The following CARS2 variants were observed in gnomAD, a reference collection of about 807,000 sequenced individuals.
CARS2 encodes cysteinyl-tRNA synthetase 2, mitochondrial.
CARS2 carries 52 observed loss-of-function variants against 68.8 expected under a neutral mutation model. The ratio of observed to expected loss-of-function variants is 0.76; its 90% CI spans 0.61 to 0.95. The LOEUF (loss-of-function observed/expected upper bound fraction) is 0.95. Ranked by LOEUF, CARS2 falls within the 40% of genes least tolerant of loss-of-function variation. The pLI, the probability that CARS2 is intolerant of heterozygous loss-of-function variation, is 0.00. For synonymous variants in CARS2, 314 were observed against 303.6 expected (o/e 1.03, Z -0.36); for missense variants, 780 against 754.2 (o/e 1.03, Z -0.40).
At chr13:110,709,174 C>T (rs918143331), upstream of CARS2, among the ~76,000 whole-genome samples, 44 of 151,340 alleles carry the variant, frequency 2.9e-4, no homozygotes, top group African/African-American at 1.0e-3. Flanking sequence ...TCTCCTGCCT[C>T]TTTCTCACGT....
intron 3 of CARS2, among the ~76,000 whole-genome samples, chr13:110,692,770 T>A (rs2063508387): frequency 6.6e-6 from 1 of 151,540 alleles, no homozygotes; most frequent in African/African-American, 2.4e-5. Context: ...TCCAAGACTG[T>A]GCCACCACAC....
At chr13:110,687,005 C>G (rs531879321) in intron 5 of CARS2, among the ~76,000 whole-genome samples, 10 of 152,224 alleles carry the variant, frequency 6.6e-5, no homozygotes, top group Non-Finnish European at 1.2e-4. Flanking sequence ...AAACGATAGC[C>G]AAACAGACGG....
Position 110,665,661 on chromosome 13 carries a change from C to T in CARS2, c.919+1679G>A. 1.0e-6 allele frequency: 1 copy of T among 985,398 alleles called. No homozygotes were observed. 61.0% of individuals were successfully genotyped at this position (985,398 alleles called of 1,614,324 possible). A position where few individuals can be genotyped will look rare whatever the true frequency, so the allele number is the denominator to read the frequency against. On this transcript the variant is annotated intron_variant, in intron 8 of 14. Coordinates refer to ENST00000257347, the MANE Select transcript of CARS2 (RefSeq NM_024537.4). This position sits in a 1 kb window ranked among gnomAD's most constrained non-coding sequence, Gnocchi z 4.3. Reference sequence around the variant, plus strand: ...CTACTGAACAGGATAAACCTGCAGACAGAAACGTGCCTGCGGAGGGAGCAA... The same window carrying T: ...CTACTGAACAGGATAAACCTGCAGATAGAAACGTGCCTGCGGAGGGAGCAA...
At chr13:110,694,860 A>G (rs1419583171) in intron 3 of CARS2, among the ~76,000 whole-genome samples, 1 of 152,206 alleles carries the variant, frequency 6.6e-6, no homozygotes, top group Non-Finnish European at 1.5e-5. Flanking sequence ...TTATCATTTT[A>G]AAAGCTTGCA....
chr13:110,667,280 C>A, intron 8 of CARS2, 60 bp downstream of exon 8: 1 of 1,480,302 alleles, frequency 6.8e-7, no homozygotes, highest in Non-Finnish European at 9.2e-7. Context: ...GCTGTTCCGC[C>A]GACAAAGACA....
intron 13 of CARS2, chr13:110,643,645 G>T (rs577838117): frequency 6.4e-5 from 10 of 155,378 alleles, no homozygotes; most frequent in African/African-American, 2.2e-4. Context: ...CTTGTGCTGA[G>T]AATTCTACAA....
chr13:110,684,095 CTG>C (rs1195966485), intron 5 of CARS2, among the ~76,000 whole-genome samples: 1 of 152,290 alleles, frequency 6.6e-6, no homozygotes, highest in East Asian at 1.9e-4. Flanking sequence ...GCTGCAGCCG[CTG>C]TGTGTTCCAG....
chr13:110,700,679 G>A (rs2063758647), intron 3 of CARS2, among the ~76,000 whole-genome samples: 2 of 152,240 alleles, frequency 1.3e-5, no homozygotes, highest in African/African-American at 4.8e-5. Context: ...GTTGTTCTGA[G>A]ACTGAAATAC....
At chr13:110,641,724 G>A in intron 14 of CARS2, 116 bp from the exon 15 acceptor site, 2 of 833,480 alleles carry the variant, frequency 2.4e-6, no homozygotes, top group South Asian at 2.8e-5. Context: ...GTCCTAAAAA[G>A]CTTGCCAGGC....
chr13:110,688,319 C>T (rs1240147627), intron 3 of CARS2, among the ~76,000 whole-genome samples: 1 of 152,242 alleles, frequency 6.6e-6, no homozygotes, highest in Non-Finnish European at 1.5e-5. Context: ...TGCAGCGGCT[C>T]ACGCCTGTAA....
rs1297824050 is a variant in CARS2 at position 110,699,898 on chromosome 13, C to G, written c.393+1540G>C. On this transcript the variant is annotated intron_variant, in intron 3 of 14. Coordinates refer to ENST00000257347, the MANE Select transcript of CARS2 (RefSeq NM_024537.4). ...CCACCTGCCTGTACAACCTCATCCA[C>G]TGTGTCTTCCCAAAGCTTGCCAGGC... Among the ~76,000 whole-genome samples, 4 of 152,252 alleles carry G rather than the reference C, an allele frequency of 2.6e-5. No individual in the cohort carries two copies. In the East Asian group the frequency reaches 5.8e-4, roughly 22 times the overall value.
rs766266851 is a variant in CARS2, at chr13:110,642,490, A to C, written c.1448T>G (p.Leu483Trp). 414 of 1,609,778 alleles carry C rather than the reference A, an allele frequency of 2.6e-4. 2 individuals carry two copies. The Middle Eastern group carries it at 5.0e-3, about 19-fold the overall frequency. The change falls in exon 14 of 15, where the codon TTG (leucine) becomes TGG (tryptophan). Residue 483 changes from leucine to tryptophan, a missense_variant. Leu to Trp is a moderately conservative substitution (Grantham distance 61, BLOSUM62 -2). Transcript: ENST00000257347. ...YVSGDGSEAT[L>W]HGVVDELVRF... ...CACCAGCTCGTCCACCACACCATGC[A>C]AGGTAGCCTCGCTGCCGTCTCCTGA... is the stretch of plus-strand genomic sequence containing the variant.
chr13:110,684,349 T>C (rs2063237138), intron 5 of CARS2, among the ~76,000 whole-genome samples: 2 of 151,972 alleles, frequency 1.3e-5, no homozygotes, highest in Non-Finnish European at 2.9e-5. Context: ...ACACTGGTGT[T>C]GGTAAGATCA....
rs1420461272 is a variant in CARS2 at position 110,647,196 on chromosome 13, C to T, written c.1098G>A (p.Leu366=). The T allele has an allele frequency of 6.2e-7, 1 of 1,613,340 alleles. No homozygotes were observed. Among genetic ancestry groups the T allele is most frequent in the Non-Finnish European group, 8.5e-7 (1 of 1,179,906 alleles). ...CCAGGAAAGAGCCCAGCCCCAGGAG[C>T]AGCTGCTGAGCTTGGAGCATGGCGC... The part of the protein sequence containing the change: ...SDSAMLQAQQ[L]LLGLGSFLED... The change falls in exon 11 of 15, where the codon CTG becomes CTA. Residue 366 remains leucine (L), a synonymous_variant. Coordinates refer to ENST00000257347, the MANE Select transcript of CARS2 (RefSeq NM_024537.4).
intron 1 of CARS2, chr13:110,712,634 G>A (rs1451424443): frequency 3.6e-6 from 2 of 556,242 alleles, no homozygotes; most frequent in South Asian, 1.7e-5. Flanking sequence ...AGGGTAGAGG[G>A]GCGACGCGGG....
At chr13:110,710,890 A>G (rs1477019472), upstream of CARS2, among the ~76,000 whole-genome samples, 1 of 152,112 alleles carries the variant, frequency 6.6e-6, no homozygotes, top group African/African-American at 2.4e-5. Flanking sequence ...AAGAGAGTAC[A>G]TAACTAGAGG....
At position 110,668,260 on chromosome 13, in the gene CARS2, T is replaced by C. The variant is rs995045330; in HGVS notation, c.786-787A>G. Among the ~76,000 whole-genome samples the C allele has an allele frequency of 7.9e-5, 12 of 152,178 alleles. No homozygotes were observed. The highest frequency in any genetic ancestry group is 2.9e-4 in the African/African-American group (12 of 41,442). ...TGTGACGTTCTAAGACTTTTACATC[T>C]TAGCCGGGCGCGGTGGCTCACGCCT... is the stretch of plus-strand genomic sequence containing the variant. On this transcript the variant is annotated intron_variant, in intron 7 of 14. Coordinates refer to ENST00000257347, the MANE Select transcript of CARS2 (RefSeq NM_024537.4). This position sits in a 1 kb window ranked among gnomAD's most constrained non-coding sequence, Gnocchi z 4.1.
chr13:110,642,326 T>C lies in CARS2; in HGVS notation c.1612A>G (p.Ile538Val). Residue 538 changes from isoleucine to valine, a missense_variant, in exon 14 of 15, where the codon ATC becomes GTC. Transcript: ENST00000257347. ...TLRRGLTAHG[I>V]NIKDRSSTTS... ...GGTGCGGCACTCACCTTGATGTTGA[T>C]GCCGTGGGCAGTCAGGCCCCGGCGC... 1.3e-6 allele frequency: 2 copies of C among 1,550,016 alleles called. No individual in the cohort carries two copies. The highest frequency in any genetic ancestry group is 2.7e-5 in the African/African-American group (2 of 73,172).
At chr13:110,649,218 G>A (rs149753177) in intron 10 of CARS2, 1 of 152,268 alleles carries the variant, frequency 6.6e-6, no homozygotes, top group Admixed American at 6.5e-5. Flanking sequence ...TCAAGCTCGT[G>A]CGCCCGTGAG....
Sources: gnomAD v4.1 joint callset for allele counts (sites outside exome capture counted in the v4.1 genomes callset) on GRCh38, gnomAD v4.1.1 for gene constraint, Gnocchi (gnomAD v3.1) non-coding constraint, MANE v1.5 for transcripts, NCBI Gene and HGNC (gene_info 2026-07-23, HGNC 2026-07-21) for gene names.